The following STAT4 variants were observed in gnomAD, a reference collection of about 807,000 sequenced individuals.
STAT4 encodes signal transducer and activator of transcription 4.
Under a neutral mutation model 110.5 loss-of-function variants are expected in STAT4, and 42 were observed. The observed-to-expected ratio is 0.38, with a 90% CI of 0.30 to 0.49. STAT4 has a LOEUF of 0.49. Ranked by LOEUF, STAT4 falls within the 20% of genes least tolerant of loss-of-function variation. STAT4 has a pLI of 0.95. For missense variants in STAT4, 632 were observed against 887.9 expected, an observed-to-expected ratio of 0.71 and a Z score of 3.66; for synonymous variants, 284 against 302.2, an observed-to-expected ratio of 0.94 and a Z score of 0.63.
At chr2:191,123,862 A>C (rs1259434964) in intron 3 of STAT4, among the ~76,000 whole-genome samples, 1 of 152,182 alleles carries the variant, frequency 6.6e-6, no homozygotes, top group African/African-American at 2.4e-5. Context: ...TCAAAATTCA[A>C]AATTTGAAGT....
chr2:191,069,576 A>C (rs1051243130), intron 6 of STAT4, 117 bp downstream of exon 6: 3 of 772,024 alleles, frequency 3.9e-6, no homozygotes. Flanking sequence ...TACTCCCTGT[A>C]TTTCCCTAGG....
intron 14 of STAT4, among the ~76,000 whole-genome samples, chr2:191,044,885 G>A (rs1696306447): frequency 6.6e-6 from 1 of 152,078 alleles, no homozygotes; most frequent in Non-Finnish European, 1.5e-5. Flanking sequence ...AAAACTCAGG[G>A]AAACTATTAA....
At chr2:191,129,940 G>T (rs990977774) in intron 3 of STAT4, among the ~76,000 whole-genome samples, 1 of 152,054 alleles carries the variant, frequency 6.6e-6, no homozygotes, top group Non-Finnish European at 1.5e-5. Context: ...ACATTTTCGT[G>T]CTTTTAATTT....
intron 6 of STAT4, among the ~76,000 whole-genome samples, chr2:191,067,531 A>G (rs1399355587): frequency 1.3e-5 from 2 of 152,174 alleles, no homozygotes; most frequent in African/African-American, 2.4e-5. Context: ...CTCCAAGAAT[A>G]CTATTTATTA....
rs1311568327 is a variant in STAT4 at position 191,112,956 on chromosome 2, C to A, written c.273+33657G>T. On this transcript the variant is annotated intron_variant, in intron 3 of 23. Coordinates refer to ENST00000392320, the MANE Select transcript of STAT4 (RefSeq NM_003151.4). This position sits in a 1 kb window ranked among gnomAD's most constrained non-coding sequence, Gnocchi z 4.3. ...AGCCCTGCACTGTACTACCAGTTCACTTTGCTCCCTAGCAGGAAGGGCATT... is the reference window on the plus strand; with the variant it reads ...AGCCCTGCACTGTACTACCAGTTCAATTTGCTCCCTAGCAGGAAGGGCATT... Among the ~76,000 whole-genome samples the A allele has an allele frequency of 6.6e-6, 1 of 152,254 alleles. No individual in the cohort carries two copies. The highest frequency in any genetic ancestry group is 1.5e-5 in the Non-Finnish European group (1 of 68,044).
Position 191,147,991 on chromosome 2 carries a change from A to G in STAT4, c.128+85T>C. On this transcript the variant is annotated intron_variant, in intron 2 of 23. Transcript: ENST00000392320. The surrounding 1 kb of genome is among the most constrained non-coding windows in gnomAD (Gnocchi z 4.1). ...CTGAAAAGAATGCATCTACTGAGTA[A>G]AAAGTGGACCATAAAATAAATTCAC... 6.3e-7 allele frequency: 1 copy of G among 1,578,450 alleles called. No homozygotes were observed. The highest frequency in any genetic ancestry group is 8.6e-7 in the Non-Finnish European group (1 of 1,163,564).
rs1235475025 is a variant in STAT4, at chr2:191,033,839, A to C, written c.1715+72T>G. 1 of 1,428,544 alleles carries C rather than the reference A, an allele frequency of 7.0e-7. No individual in the cohort carries two copies. The highest frequency in any genetic ancestry group is 2.2e-5 in the Admixed American group (1 of 44,720). The allele number at this position is 1,428,544 out of a possible 1,614,324, so 88.5% of individuals were successfully genotyped here. A position where few individuals can be genotyped will look rare whatever the true frequency, so the allele number is the denominator to read the frequency against. ...ACTAAACATGCTTAAGAGAAAAAGA[A>C]AGAAGAAAACCAATAACAACAGAAA... On this transcript the variant is annotated intron_variant, in intron 19 of 23. Coordinates refer to ENST00000392320, the MANE Select transcript of STAT4 (RefSeq NM_003151.4). This position sits in a 1 kb window ranked among gnomAD's most constrained non-coding sequence, Gnocchi z 6.9.
rs768321187 is a variant in STAT4, at chr2:191,035,798, T to A, written c.1570+366A>T. On this transcript the variant is annotated intron_variant, in intron 17 of 23. Coordinates refer to ENST00000392320, the MANE Select transcript of STAT4 (RefSeq NM_003151.4). This position sits in a 1 kb window ranked among gnomAD's most constrained non-coding sequence, Gnocchi z 4.7. Reference sequence around the variant, plus strand: ...TATGAGGCACCATTAAGGGTTCACCTCATATTTAGTGGAAATATACCCTGG... The same window carrying A: ...TATGAGGCACCATTAAGGGTTCACCACATATTTAGTGGAAATATACCCTGG... 6.6e-6 allele frequency among the ~76,000 whole-genome samples: 1 copy of A among 152,226 alleles called. No individual in the cohort carries two copies. The highest frequency in any genetic ancestry group is 1.5e-5 in the Non-Finnish European group (1 of 68,034).
chr2:191,122,887 T>C (rs1698777135), intron 3 of STAT4, among the ~76,000 whole-genome samples: 3 of 152,196 alleles, frequency 2.0e-5, no homozygotes, highest in Admixed American at 2.0e-4. Flanking sequence ...GACTTCTACA[T>C]CTGGAACTGG....
At chr2:191,095,030 G>C (rs917287552) in intron 3 of STAT4, among the ~76,000 whole-genome samples, 1 of 151,870 alleles carries the variant, frequency 6.6e-6, no homozygotes, top group Non-Finnish European at 1.5e-5. Flanking sequence ...ATGGTAAAGG[G>C]ATCAATTCAA....
chr2:191,090,840 C>A lies in STAT4; in HGVS notation c.274-14515G>T, dbSNP rs1040164976. Among the ~76,000 whole-genome samples, 1 of 152,192 alleles carries A rather than the reference C, an allele frequency of 6.6e-6. No individual in the cohort carries two copies. Among genetic ancestry groups the A allele is most frequent in the African/African-American group, 2.4e-5 (1 of 41,448 alleles). On this transcript the variant is annotated intron_variant, in intron 3 of 23. Transcript: ENST00000392320. This position sits in a 1 kb window ranked among gnomAD's most constrained non-coding sequence, Gnocchi z 4.2. ...TCCCCTGACCTCGTGATCCACCCAC[C>A]TTGGCCTCCCAAAGTGCTAGGATTA...
intron 18 of STAT4, 34 bp downstream of exon 18, chr2:191,034,514 T>C (rs551924843): frequency 2.8e-5 from 44 of 1,554,954 alleles, no homozygotes; most frequent in Admixed American, 5.0e-5. Flanking sequence ...ATTAAAAAAA[T>C]GTATCTAAAT....
rs1696536580 is a variant in STAT4, at chr2:191,051,954, T to A, written c.1251+2536A>T. 6.6e-6 allele frequency among the ~76,000 whole-genome samples: 1 copy of A among 152,228 alleles called. No individual in the cohort carries two copies. The highest frequency in any genetic ancestry group is 2.1e-4 in the South Asian group (1 of 4,830). ...CAAGAGTTACAGAAATCAGTATTAG[T>A]GAAGCTCTTAGTGTCCAGTATATAG... is the stretch of plus-strand genomic sequence containing the variant. On this transcript the variant is annotated intron_variant, in intron 14 of 23. Transcript: ENST00000392320. This position sits in a 1 kb window ranked among gnomAD's most constrained non-coding sequence, Gnocchi z 5.6.
intron 3 of STAT4, among the ~76,000 whole-genome samples, chr2:191,124,885 C>T (rs1005633638): frequency 1.3e-5 from 2 of 152,214 alleles, no homozygotes; most frequent in Non-Finnish European, 2.9e-5. Context: ...TTTCCTTGCA[C>T]TATGACAATA....
intron 3 of STAT4, among the ~76,000 whole-genome samples, chr2:191,145,927 A>G (rs1390260242): frequency 6.6e-6 from 1 of 152,020 alleles, no homozygotes; most frequent in Non-Finnish European, 1.5e-5. Flanking sequence ...TACTTGATTT[A>G]CTCACCCCTT....
At chr2:191,044,215 A>G (rs899944557) in intron 14 of STAT4, among the ~76,000 whole-genome samples, 2 of 152,246 alleles carry the variant, frequency 1.3e-5, no homozygotes, top group Non-Finnish European at 2.9e-5. Context: ...GGAAGGACCC[A>G]TGAATGGCTG....
intron 3 of STAT4, chr2:191,131,818 TC>T: frequency 7.1e-7 from 1 of 1,413,484 alleles, no homozygotes; most frequent in Non-Finnish European, 9.2e-7. Flanking sequence ...AGAAGCTAAG[TC>T]CTAGGGACAA....
intron 3 of STAT4, among the ~76,000 whole-genome samples, chr2:191,093,504 T>C (rs1697867097): frequency 6.6e-6 from 1 of 152,052 alleles, no homozygotes; most frequent in Non-Finnish European, 1.5e-5. Flanking sequence ...GACCTGACTG[T>C]GAGAAGGAAA....
At chr2:191,109,157 G>A in intron 3 of STAT4, among the ~76,000 whole-genome samples, 1 of 152,312 alleles carries the variant, frequency 6.6e-6, no homozygotes, top group South Asian at 2.1e-4. Flanking sequence ...GCATCACTAG[G>A]AGGCAGGGGG....
Sources: gnomAD v4.1 joint callset for allele counts (sites outside exome capture counted in the v4.1 genomes callset) on GRCh38, gnomAD v4.1.1 for gene constraint, Gnocchi (gnomAD v3.1) non-coding constraint, MANE v1.5 for transcripts, NCBI Gene and HGNC (gene_info 2026-07-23, HGNC 2026-07-21) for gene names.